The following DLST variants were observed in gnomAD, a reference collection of about 807,000 sequenced individuals.
The protein encoded by DLST is dihydrolipoyllysine-residue succinyltransferase component of 2-oxoglutarate dehydrogenase complex, mitochondrial.
In DLST, 17 loss-of-function variants were observed where a neutral mutation model predicts 53.1. The observed-to-expected ratio is 0.32, with a 90% CI of 0.22 to 0.48. DLST has a LOEUF of 0.48. Ranked by LOEUF, DLST falls within the 20% of genes least tolerant of loss-of-function variation. The pLI is 0.99. For missense variants in DLST, 512 were observed against 583.9 expected (o/e 0.88, Z 1.27); for synonymous variants, 206 against 204.8 (o/e 1.01, Z -0.05).
chr14:74,890,901 C>T (rs1363491622), intron 6 of DLST, among the ~76,000 whole-genome samples, 155 bp from the exon 7 acceptor site: 2 of 152,232 alleles, frequency 1.3e-5, no homozygotes, highest in Non-Finnish European at 2.9e-5. Context: ...TGGTCTTGAA[C>T]TCCTGACCTC....
rs1295063083 is a variant in DLST at position 74,891,157 on chromosome 14, G to T, written c.432G>T (p.Arg144Ser). ...VEGGTPLFTL[R>S]KTGAAPAKAK... ...GAGGCACTCCACTTTTCACACTCAG[G>T]AAAACTGGTGGTAAAGAAGTTCTCC... Residue 144 changes from arginine to serine, a missense_variant, in exon 7 of 15, where the codon AGG (arginine) becomes AGT (serine). Arg to Ser is a moderately radical substitution (Grantham distance 110). This residue lies in a region of DLST where 162 missense variants were observed against 162.0 expected (regional missense o/e 1.00). Transcript: ENST00000334220. 1 of 1,614,130 alleles carries T rather than the reference G, an allele frequency of 6.2e-7. No individual in the cohort carries two copies. The highest frequency in any genetic ancestry group is 1.7e-5 in the Admixed American group (1 of 60,036).
chr14:74,891,639 T>C, intron 7 of DLST: 1 of 985,824 alleles, frequency 1.0e-6, no homozygotes, highest in Non-Finnish European at 1.2e-6. Flanking sequence ...TGGTATTTCT[T>C]TTGGGAAGAA....
intron 9 of DLST, 44 bp from the exon 10 acceptor site, chr14:74,894,268 C>T (rs760437136): frequency 1.2e-6 from 2 of 1,608,790 alleles, no homozygotes; most frequent in Admixed American, 3.4e-5. Context: ...ATGCTTGACC[C>T]AGAGAGATCA....
At position 74,889,124 on chromosome 14, in the gene DLST, T is replaced by C. The variant is rs1377961636; in HGVS notation, c.176T>C (p.Phe59Ser). The C allele has an allele frequency of 6.2e-7, 1 of 1,614,080 alleles. No individual in the cohort carries two copies. Among genetic ancestry groups the C allele is most frequent in the Non-Finnish European group, 8.5e-7 (1 of 1,180,038 alleles). Reference sequence around the variant, plus strand: ...AACAACAGTGTCTTCAGTGTTCGCTTTTTCAGAACTACAGCTGTATGCAGT... The same window carrying C: ...AACAACAGTGTCTTCAGTGTTCGCTCTTTCAGAACTACAGCTGTATGCAGT... Reference protein sequence around the residue: ...VINNSVFSVRFFRTTAVCKDD... With the variant: ...VINNSVFSVRSFRTTAVCKDD... Residue 59 changes from phenylalanine (F) to serine (S), a missense_variant, in exon 4 of 15, where the codon TTT becomes TCT. By Grantham distance (155) the Phe-to-Ser change is radical. Coordinates refer to ENST00000334220, the MANE Select transcript of DLST (RefSeq NM_001933.5).
chr14:74,892,856 G>A lies in DLST; in HGVS notation c.465G>A (p.Pro155=), dbSNP rs181867568. 6.3e-5 allele frequency: 101 copies of A among 1,612,910 alleles called. No homozygotes were observed. Among genetic ancestry groups the A allele is most frequent in the East Asian group, 4.5e-4 (20 of 44,866 alleles). The change falls in exon 8 of 15, where the codon CCG becomes CCA. Residue 155 remains proline, a synonymous_variant. Transcript: ENST00000334220. ...KTGAAPAKAK[P]AEAPAAAAPK... is the part of the protein sequence containing the mutation. ...CAGCTGCTCCTGCTAAGGCCAAGCC[G>A]GCTGAAGCTCCTGCTGCTGCAGCCC... is the stretch of plus-strand genomic sequence containing the variant.
At chr14:74,883,132 A>G (rs1268689435) in intron 2 of DLST, among the ~76,000 whole-genome samples, 1 of 151,844 alleles carries the variant, frequency 6.6e-6, no homozygotes, top group Non-Finnish European at 1.5e-5. Context: ...ATCTCTACTA[A>G]AAAATACAAA....
chr14:74,896,940 AG>A (rs1884093100), intron 10 of DLST, among the ~76,000 whole-genome samples: 1 of 152,188 alleles, frequency 6.6e-6, no homozygotes, highest in Admixed American at 6.5e-5. Context: ...GTTTAGATCG[AG>A]TGCCCTTTGG....
intron 10 of DLST, among the ~76,000 whole-genome samples, chr14:74,896,772 G>C (rs986208169): frequency 6.6e-6 from 1 of 152,220 alleles, no homozygotes; most frequent in African/African-American, 2.4e-5. Context: ...ATTCTACCCA[G>C]TTTCTTAAGA....
chr14:74,902,135 C>G (rs1884269899), intron 14 of DLST, 61 bp from the exon 15 acceptor site: 1 of 1,466,224 alleles, frequency 6.8e-7, no homozygotes, highest in East Asian at 2.5e-5. Context: ...TGCTAAATCT[C>G]CTTCAGCGAG....
chr14:74,885,544 G>A, intron 2 of DLST, 42 bp from the exon 3 acceptor site: 1 of 1,604,650 alleles, frequency 6.2e-7, no homozygotes, highest in Non-Finnish European at 8.5e-7. Flanking sequence ...TATCCTTTGT[G>A]AGATAAGAGT....
intron 3 of DLST, 124 bp downstream of exon 3, chr14:74,885,758 TGA>T (rs1012084800): frequency 8.0e-6 from 7 of 878,740 alleles, no homozygotes; most frequent in Non-Finnish European, 1.3e-5. Context: ...GTGATTATGT[TGA>T]GTCCCTAGAC....
Position 74,882,641 on chromosome 14 carries a change from C to T in DLST, c.97+17C>T, listed in dbSNP as rs1453980018. ...CCCTGCCTGGTAAGTTCTGCCCTTA[C>T]CGTCACCTAAAATGCTCTCCTCCTG... On this transcript the variant is annotated intron_variant, in intron 2 of 14. Transcript: ENST00000334220. 2.5e-6 allele frequency: 4 copies of T among 1,613,422 alleles called. No individual in the cohort carries two copies. Among genetic ancestry groups the T allele is most frequent in the East Asian group, 2.2e-5 (1 of 44,892 alleles).
chr14:74,886,449 C>T (rs888763331), intron 3 of DLST, among the ~76,000 whole-genome samples: 1 of 152,138 alleles, frequency 6.6e-6, no homozygotes, highest in Non-Finnish European at 1.5e-5. Flanking sequence ...ACCTCAGCCT[C>T]CTGAGTAGCT....
intron 5 of DLST, 119 bp from the exon 6 acceptor site, chr14:74,889,778 G>A: frequency 2.2e-6 from 2 of 915,538 alleles, no homozygotes; most frequent in Non-Finnish European, 3.5e-6. Context: ...CTTTACATAT[G>A]TACTTTCTGC....
Position 74,898,440 on chromosome 14 carries a change from T to G in DLST, c.842T>G (p.Met281Arg). 3 of 1,614,058 alleles carry G rather than the reference T, an allele frequency of 1.9e-6. No homozygotes were observed. The highest frequency in any genetic ancestry group is 2.5e-6 in the Non-Finnish European group (3 of 1,180,046). Residue 281 changes from methionine to arginine, a missense_variant, in exon 11 of 15, where the codon ATG (methionine) becomes AGG (arginine). Met to Arg is a moderately conservative substitution (Grantham distance 91). Transcript: ENST00000334220. ...AAACATAACCTCAAACTAGGCTTCA[T>G]GTCGGCATTTGTGAAGGCCTCAGCC... is the stretch of plus-strand genomic sequence containing the variant. ...LKKHNLKLGF[M>R]SAFVKASAFA...
intron 3 of DLST, 28 bp downstream of exon 3, chr14:74,885,662 G>A: frequency 6.3e-7 from 1 of 1,575,296 alleles, no homozygotes; most frequent in Non-Finnish European, 8.6e-7. Context: ...GTACAGATAT[G>A]TGGCCACGGG....
chr14:74,884,123 G>A lies in DLST; in HGVS notation c.98-1463G>A, dbSNP rs575600903. Among the ~76,000 whole-genome samples the A allele has an allele frequency of 2.5e-3, 379 of 152,330 alleles. 1 individual carries two copies. The highest frequency in any genetic ancestry group is 3.9e-3 in the Non-Finnish European group (266 of 68,016). On this transcript the variant is annotated intron_variant, in intron 2 of 14. Transcript: ENST00000334220. ...CTGAATATAAAAGAGCCAAGAAAAT[G>A]TATTCCAGGCAAAGGGAATTGCTTG...
At position 74,885,880 on chromosome 14, in the gene DLST, A is replaced by G. The variant is rs1594871908; in HGVS notation, c.146+246A>G. The G allele has an allele frequency of 7.1e-6, 3 of 425,024 alleles. No individual in the cohort carries two copies. The East Asian group carries it at 1.2e-4, about 17-fold the overall frequency. 26.3% of individuals were successfully genotyped at this position (425,024 alleles called of 1,614,324 possible). A position where few individuals can be genotyped will look rare whatever the true frequency, so the allele number is the denominator to read the frequency against. On this transcript the variant is annotated intron_variant, in intron 3 of 14. Transcript: ENST00000334220. ...CCACAGGTGTTTGGATTATAATGAA[A>G]GTTAAGTTGGAATCCTCTTTTTATG...
Position 74,901,250 on chromosome 14 carries a change from C to T in DLST, c.1227+17C>T, listed in dbSNP as rs1421871727. The T allele has an allele frequency of 6.2e-7, 1 of 1,610,148 alleles. No homozygotes were observed. Among genetic ancestry groups the T allele is most frequent in the African/African-American group, 1.3e-5 (1 of 74,838 alleles). On this transcript the variant is annotated intron_variant, in intron 14 of 14. Transcript: ENST00000334220. ...GGAGGCAAGGTAGGAACCGTCACTT[C>T]TAAGGTCCTAGTGGCTAGGTCTCGA...
Sources: allele counts gnomAD v4.1 joint callset (sites outside exome capture counted in the v4.1 genomes callset), GRCh38; gene constraint gnomAD v4.1.1; regional missense constraint gnomAD v4.1.1; transcripts MANE v1.5; gene names NCBI Gene and HGNC (gene_info 2026-07-23, HGNC 2026-07-21).